Variants in NFIB observed in about 807,000 individuals in gnomAD.
The protein encoded by NFIB is nuclear factor 1 B-type.
A neutral mutation model predicts 61.5 loss-of-function variants in NFIB; 11 were observed. The observed-to-expected ratio is 0.18, with a 90% CI of 0.11 to 0.30. The LOEUF is 0.30. Ranked by LOEUF, NFIB falls within the 10% of genes least tolerant of loss-of-function variation. The probability of loss-of-function intolerance (pLI) is 1.00; values close to 1 mark genes in which losing one functional copy is unlikely to be tolerated. For missense variants in NFIB, 471 were observed against 608.9 expected, an observed-to-expected ratio of 0.77 and a Z score of 2.38; for synonymous variants, 260 against 216.5, an observed-to-expected ratio of 1.20 and a Z score of -1.76.
chr9:14,322,376 T>G (rs2060683914), intron 1 of NFIB: 1 of 239,038 alleles, frequency 4.2e-6, no homozygotes, highest in East Asian at 6.0e-5. Flanking sequence ...TTAGCGGGGC[T>G]GCTCCAGGAG....
intron 3 of NFIB, among the ~76,000 whole-genome samples, chr9:14,173,755 A>G (rs1036355385): frequency 1.3e-5 from 2 of 152,228 alleles, no homozygotes; most frequent in African/African-American, 4.8e-5. Flanking sequence ...GGCAATTAAT[A>G]TAATTTGTTA....
Position 14,225,276 on chromosome 9 carries a change from G to A in NFIB, c.563-45496C>T, listed in dbSNP as rs139096357. Among the ~76,000 whole-genome samples, 29 of 151,844 alleles carry A rather than the reference G, an allele frequency of 1.9e-4. 1 individual carries two copies. The East Asian group carries it at 5.1e-3, about 26-fold the overall frequency. On this transcript the variant is annotated intron_variant, in intron 2 of 10. Coordinates refer to ENST00000380953, the MANE Select transcript of NFIB (RefSeq NM_001190737.2). ...AAAAATATATAAATCCCATTCTTAA[G>A]AAGCCAGTTATTGTTTGGTACTAGG...
intron 2 of NFIB, among the ~76,000 whole-genome samples, chr9:14,211,418 T>A (rs2050294071): frequency 6.6e-6 from 1 of 152,074 alleles, no homozygotes; most frequent in Admixed American, 6.6e-5. Flanking sequence ...ATAAATTGGG[T>A]CTACACTGGT....
At chr9:14,190,958 T>C (rs2047883067) in intron 2 of NFIB, among the ~76,000 whole-genome samples, 1 of 152,128 alleles carries the variant, frequency 6.6e-6, no homozygotes, top group African/African-American at 2.4e-5. Flanking sequence ...TATGGGAGGC[T>C]GAGGTGGGTG....
At chr9:14,411,123 A>C in the NFIB span, among the ~76,000 whole-genome samples, 1 of 152,338 alleles carries the variant, frequency 6.6e-6, no homozygotes, top group African/African-American at 2.4e-5. Context: ...CAAAAATATT[A>C]AGATGTTATT....
intron 1 of NFIB, chr9:14,322,271 G>T: frequency 2.2e-6 from 1 of 448,672 alleles, no homozygotes; most frequent in Non-Finnish European, 3.4e-6. Flanking sequence ...TGTTTCTCGT[G>T]CTTGACTTGA....
chr9:14,327,932 G>A (rs1238359792), intron 1 of NFIB, among the ~76,000 whole-genome samples: 1 of 152,306 alleles, frequency 6.6e-6, no homozygotes, highest in Admixed American at 6.5e-5. Flanking sequence ...GTAAACAGAA[G>A]AAGAGAGAAG....
At chr9:14,488,892 G>C in the NFIB span, among the ~76,000 whole-genome samples, 1 of 152,166 alleles carries the variant, frequency 6.6e-6, no homozygotes, top group African/African-American at 2.4e-5. Flanking sequence ...TGCTTTCTCT[G>C]TTCTCTGTCT....
the NFIB span, among the ~76,000 whole-genome samples, chr9:14,434,555 G>C: frequency 6.6e-6 from 1 of 152,124 alleles, no homozygotes; most frequent in Admixed American, 6.6e-5. Context: ...CCTGACTGAG[G>C]AAAGGATCCC....
rs1314054311 is a variant in NFIB at position 14,307,052 on chromosome 9, G to A, written c.499C>T (p.His167Tyr). 1 of 1,614,232 alleles carries A rather than the reference G, an allele frequency of 6.2e-7. No homozygotes were observed. The highest frequency in any genetic ancestry group is 1.1e-5 in the South Asian group (1 of 91,086). Residue 167 changes from histidine to tyrosine, a missense_variant, in exon 2 of 11, where the codon CAT becomes TAT. This residue lies in a region of NFIB where 99 missense variants were observed against 213.3 expected (regional missense o/e 0.46). Coordinates refer to ENST00000380953, the MANE Select transcript of NFIB (RefSeq NM_001190737.2). The surrounding 1 kb of genome is among the most constrained non-coding windows in gnomAD (Gnocchi z 5.3). ...TCCTTAACTGATACTGTGATATGAT[G>A]TGGCTGGACACAAAGTGCTGGGTTT... ...CTNPALCVQP[H>Y]HITVSVKELD... is the part of the protein sequence containing the mutation.
At chr9:14,365,150 G>A (rs2061285453) in intron 1 of NFIB, among the ~76,000 whole-genome samples, 1 of 152,150 alleles carries the variant, frequency 6.6e-6, no homozygotes, top group East Asian at 1.9e-4. Flanking sequence ...AGTAAATGTT[G>A]GCTATTTTAT....
At chr9:14,501,289 G>T in the NFIB span, among the ~76,000 whole-genome samples, 1 of 152,142 alleles carries the variant, frequency 6.6e-6, no homozygotes, top group African/African-American at 2.4e-5. Context: ...GCCCTTCAAA[G>T]AAGCTGTTTT....
chr9:14,261,593 A>G (rs1031555916), intron 2 of NFIB, among the ~76,000 whole-genome samples: 3 of 152,134 alleles, frequency 2.0e-5, no homozygotes, highest in African/African-American at 7.2e-5. Flanking sequence ...TGCAGGGATG[A>G]CTGCCCCATA....
intron 1 of NFIB, among the ~76,000 whole-genome samples, chr9:14,378,610 C>T (rs1339273049): frequency 1.3e-5 from 2 of 152,242 alleles, no homozygotes; most frequent in African/African-American, 2.4e-5. Flanking sequence ...CCGCATGGGC[C>T]TCCCAAAGTG....
At chr9:14,450,190 A>G in the NFIB span, among the ~76,000 whole-genome samples, 26 of 151,946 alleles carry the variant, frequency 1.7e-4, no homozygotes, top group Non-Finnish European at 3.2e-4. Flanking sequence ...TCTTTGTTCA[A>G]TTCCCACCGA....
chr9:14,265,078 G>A (rs1042139532), intron 2 of NFIB, among the ~76,000 whole-genome samples: 5 of 152,260 alleles, frequency 3.3e-5, no homozygotes, highest in East Asian at 1.9e-4. Flanking sequence ...AGACCTACTG[G>A]ACCCGAATTT....
At chr9:14,488,388 A>G in the NFIB span, among the ~76,000 whole-genome samples, 1 of 152,070 alleles carries the variant, frequency 6.6e-6, no homozygotes, top group Non-Finnish European at 1.5e-5. Flanking sequence ...ATCACCTGAA[A>G]AGTTTGTTAA....
chr9:14,162,322 G>T (rs890249542), intron 3 of NFIB, among the ~76,000 whole-genome samples: 1 of 151,828 alleles, frequency 6.6e-6, no homozygotes, highest in African/African-American at 2.4e-5. Context: ...GTTTTCTGAC[G>T]AGAATGGCTA....
chr9:14,355,821 G>A (rs1252957859), intron 1 of NFIB, among the ~76,000 whole-genome samples: 1 of 152,188 alleles, frequency 6.6e-6, no homozygotes, highest in Non-Finnish European at 1.5e-5. Flanking sequence ...GCCAGTCGTG[G>A]TGGCGGGTGC....
Sources: allele counts gnomAD v4.1 joint callset (sites outside exome capture counted in the v4.1 genomes callset), GRCh38; gene constraint gnomAD v4.1.1; regional missense constraint gnomAD v4.1.1; non-coding constraint Gnocchi (gnomAD v3.1); transcripts MANE v1.5; gene names NCBI Gene and HGNC (gene_info 2026-07-23, HGNC 2026-07-21).